The following ARMH4 variants were observed in gnomAD, a reference collection of about 807,000 sequenced individuals.
The protein encoded by ARMH4 is armadillo like helical domain containing 4.
In ARMH4, 49 loss-of-function variants were observed where a neutral mutation model predicts 61.9. The ratio of observed to expected loss-of-function variants is 0.79; its 90% confidence interval spans 0.63 to 1.00. ARMH4 has a LOEUF of 1.00. Among genes scored for constraint, ARMH4 ranks in the 50% least tolerant of loss-of-function variants. ARMH4 has a pLI of 0.00. For missense variants in ARMH4, 934 were observed against 930.0 expected (o/e 1.00, Z -0.06); for synonymous variants, 368 against 341.5 (o/e 1.08, Z -0.85).
intron 5 of ARMH4, among the ~76,000 whole-genome samples, chr14:58,020,343 C>T (rs1222719498): frequency 6.6e-6 from 1 of 152,136 alleles, no homozygotes; most frequent in African/African-American, 2.4e-5. Flanking sequence ...TATTAGCTCA[C>T]CTGGTATTCT....
At chr14:58,013,888 G>C (rs555806572) in intron 5 of ARMH4, among the ~76,000 whole-genome samples, 2 of 152,006 alleles carry the variant, frequency 1.3e-5, no homozygotes, top group African/African-American at 2.4e-5. Context: ...TTACCAAGGC[G>C]TGGTGGCAGA....
At chr14:58,149,397 A>T (rs1200141179) in intron 1 of ARMH4, among the ~76,000 whole-genome samples, 5 of 152,230 alleles carry the variant, frequency 3.3e-5, no homozygotes, top group Non-Finnish European at 7.3e-5. Context: ...AGGGAGAAGG[A>T]GTAAGTAACC....
At chr14:58,056,897 G>C (rs1884365809) in intron 5 of ARMH4, among the ~76,000 whole-genome samples, 2 of 152,154 alleles carry the variant, frequency 1.3e-5, no homozygotes, top group East Asian at 3.8e-4. Flanking sequence ...CCAATGAAAT[G>C]TTAGTGGAAG....
At chr14:58,129,271 A>T (rs549465291) in intron 4 of ARMH4, among the ~76,000 whole-genome samples, 8 of 152,236 alleles carry the variant, frequency 5.3e-5, no homozygotes, top group Non-Finnish European at 1.2e-4. Context: ...CGCTTAAAGG[A>T]TAAACAGAGC....
chr14:58,131,720 T>C lies in ARMH4; in HGVS notation c.1623A>G (p.Glu541=), dbSNP rs1379768068. ...TTGGCCCTGTGACTGTGTCCATTTG[T>C]TCTGCCAAACACAACAGACAGGACT... The part of the protein sequence containing the change: ...LSFEVTPTVE[E]QMDTVTGPNE... The change falls in exon 4 of 8, where the codon GAA becomes GAG. Residue 541 remains glutamate, a splice_region_variant and synonymous_variant. Transcript: ENST00000267485. 6.2e-7 allele frequency: 1 copy of C among 1,612,338 alleles called. No individual in the cohort carries two copies. The highest frequency in any genetic ancestry group is 1.3e-5 in the African/African-American group (1 of 74,876).
intron 4 of ARMH4, among the ~76,000 whole-genome samples, chr14:58,121,649 G>A (rs1886729308): frequency 1.3e-5 from 2 of 152,186 alleles, no homozygotes; most frequent in African/African-American, 4.8e-5. Flanking sequence ...AGAGTATGCA[G>A]GTACTTAGGA....
intron 5 of ARMH4, among the ~76,000 whole-genome samples, chr14:58,051,091 C>A (rs373083872): frequency 6.6e-6 from 1 of 150,900 alleles, no homozygotes; most frequent in African/African-American, 2.4e-5. Flanking sequence ...GGCACCCATA[C>A]GAGATTCAAG....
intron 5 of ARMH4, among the ~76,000 whole-genome samples, chr14:58,076,115 G>T (rs1001328857): frequency 1.3e-5 from 2 of 151,246 alleles, no homozygotes; most frequent in African/African-American, 4.9e-5. Flanking sequence ...GGAGGGGGAA[G>T]GGGAGGAGGA....
chr14:58,133,585 T>C (rs1332389997), intron 2 of ARMH4, among the ~76,000 whole-genome samples: 1 of 152,126 alleles, frequency 6.6e-6, no homozygotes, highest in Non-Finnish European at 1.5e-5. Context: ...AAATGAAATC[T>C]AAAACAAAGT....
chr14:58,028,431 C>T (rs994134008), intron 5 of ARMH4, among the ~76,000 whole-genome samples: 13 of 152,118 alleles, frequency 8.5e-5, no homozygotes, highest in Non-Finnish European at 1.9e-4. Flanking sequence ...AAGGCTGGGG[C>T]TTCATGTCTT....
intron 4 of ARMH4, among the ~76,000 whole-genome samples, chr14:58,124,595 T>C (rs1886836078): frequency 6.6e-6 from 1 of 152,226 alleles, no homozygotes; most frequent in Admixed American, 6.5e-5. Context: ...GCCAGTGCTG[T>C]GACTGCATAC....
Position 58,004,657 on chromosome 14 carries a change from G to A in ARMH4, c.*79C>T. ...CCTGATAGCAGCAATGTGGCAGGTT[G>A]TTCTTTTTTTTTTTCTGCTCCAAAA... is the stretch of plus-strand genomic sequence containing the variant. On this transcript the variant is annotated 3_prime_UTR_variant, in exon 8 of 8. Transcript: ENST00000267485. The A allele has an allele frequency of 8.1e-7, 1 of 1,232,598 alleles. No homozygotes were observed. Among genetic ancestry groups the A allele is most frequent in the Non-Finnish European group, 1.2e-6 (1 of 853,670 alleles). The allele number at this position is 1,232,598 out of a possible 1,614,324, so 76.4% of individuals were successfully genotyped here. A position where few individuals can be genotyped will look rare whatever the true frequency, so the allele number is the denominator to read the frequency against.
intron 5 of ARMH4, among the ~76,000 whole-genome samples, chr14:58,092,935 C>T (rs1885623370): frequency 6.6e-6 from 1 of 151,854 alleles, no homozygotes; most frequent in African/African-American, 2.4e-5. Context: ...TGTGCCCCAA[C>T]CCAAATCTCA....
chr14:58,012,505 T>C (rs1882446995), intron 5 of ARMH4, among the ~76,000 whole-genome samples: 1 of 152,212 alleles, frequency 6.6e-6, no homozygotes, highest in African/African-American at 2.4e-5. Flanking sequence ...ATTTCTCATC[T>C]TTCTCAGTTT....
chr14:58,128,923 C>T (rs1288764789), intron 4 of ARMH4, among the ~76,000 whole-genome samples: 3 of 152,142 alleles, frequency 2.0e-5, no homozygotes, highest in Non-Finnish European at 4.4e-5. Context: ...GACTGGTGTT[C>T]TTAAAAAGCA....
rs113699161 is a variant in ARMH4, at chr14:58,104,871, G to A, written c.1832-7890C>T. On this transcript the variant is annotated intron_variant, in intron 4 of 7. Transcript: ENST00000267485. Reference sequence around the variant, plus strand: ...AATGTATAAACAATGAGATAGATGCGGTTTTTTAAACCCATATCTAAAGAA... The same window carrying A: ...AATGTATAAACAATGAGATAGATGCAGTTTTTTAAACCCATATCTAAAGAA... 4.6e-3 allele frequency among the ~76,000 whole-genome samples: 696 copies of A among 152,132 alleles called. 5 individuals carry two copies. The highest frequency in any genetic ancestry group is 7.6e-3 in the Non-Finnish European group (517 of 68,002).
chr14:58,136,481 C>T (rs1887304898), intron 2 of ARMH4, among the ~76,000 whole-genome samples: 1 of 152,150 alleles, frequency 6.6e-6, no homozygotes, highest in African/African-American at 2.4e-5. Flanking sequence ...TTTATGGAAG[C>T]TTCTATGAAA....
chr14:58,042,144 T>C (rs1883739355), intron 5 of ARMH4, among the ~76,000 whole-genome samples: 1 of 152,104 alleles, frequency 6.6e-6, no homozygotes, highest in Non-Finnish European at 1.5e-5. Context: ...AGAATATACA[T>C]TCTTCTCAGC....
intron 5 of ARMH4, among the ~76,000 whole-genome samples, chr14:58,020,575 T>A (rs1177414492): frequency 6.6e-6 from 1 of 151,980 alleles, no homozygotes; most frequent in Non-Finnish European, 1.5e-5. Flanking sequence ...TCTCCCTGTC[T>A]CTCTCTTCCT....
Sources: gnomAD v4.1 joint callset for allele counts (sites outside exome capture counted in the v4.1 genomes callset) on GRCh38, gnomAD v4.1.1 for gene constraint, MANE v1.5 for transcripts, NCBI Gene and HGNC (gene_info 2026-07-23, HGNC 2026-07-21) for gene names.